TGM4: variants seen among roughly 807,000 people sequenced by gnomAD.
TGM4 encodes the protein protein-glutamine gamma-glutamyltransferase 4.
In TGM4, 61 loss-of-function variants were observed where a neutral mutation model predicts 76.3. That is an observed-to-expected ratio of 0.80 (90% confidence interval 0.65 to 0.99). The LOEUF is 0.99. Ranked by LOEUF, TGM4 falls within the 50% of genes least tolerant of loss-of-function variation. The probability of loss-of-function intolerance (pLI) is 0.00; values close to 1 mark genes in which losing one functional copy is unlikely to be tolerated. For synonymous variants in TGM4, 337 were observed against 329.8 expected (o/e 1.02, Z -0.24); for missense variants, 794 against 843.2 (o/e 0.94, Z 0.72).
rs188830224 is a variant in TGM4 at position 44,906,301 on chromosome 3, C to T, written c.1076-648C>T. ...ACCAAAGCTACTACTGAGGAACTAT[C>T]AGTCAAGAGACTAATTCTCATTAAG... On this transcript the variant is annotated intron_variant, in intron 9 of 13. Transcript: ENST00000296125. Among the ~76,000 whole-genome samples the T allele has an allele frequency of 6.4e-4, 97 of 152,308 alleles. 1 individual carries two copies. The highest frequency in any genetic ancestry group is 2.9e-3 in the South Asian group (14 of 4,826).
chr3:44,901,547 C>T lies in TGM4; in HGVS notation c.681C>T (p.Gly227=), dbSNP rs776264062. 6.3e-5 allele frequency: 101 copies of T among 1,612,108 alleles called. No homozygotes were observed. Among genetic ancestry groups the T allele is most frequent in the Non-Finnish European group, 8.4e-5 (99 of 1,178,764 alleles). Residue 227 remains glycine, a synonymous_variant, in exon 7 of 14, where the codon GGC becomes GGT. Transcript: ENST00000296125. ...CAMMSFEKGQ[G]VLIGNWTGDY... is the part of the protein sequence containing the mutation. ...AGATGAGCTTTGAGAAAGGCCAGGGCGTGCTCATTGGGAATTGGACTGGGG... is the reference window on the plus strand; with the variant it reads ...AGATGAGCTTTGAGAAAGGCCAGGGTGTGCTCATTGGGAATTGGACTGGGG...
chr3:44,900,133 C>T (rs933248416), intron 6 of TGM4, among the ~76,000 whole-genome samples: 7 of 152,152 alleles, frequency 4.6e-5, no homozygotes, highest in Admixed American at 1.3e-4. Context: ...TTGGGCTCAG[C>T]GTCACTCCCC....
At chr3:44,876,186 A>G (rs1699449953) in intron 1 of TGM4, among the ~76,000 whole-genome samples, 1 of 152,236 alleles carries the variant, frequency 6.6e-6, no homozygotes, top group South Asian at 2.1e-4. Flanking sequence ...TTCATGCCAC[A>G]CTATGCTGCC....
chr3:44,907,545 T>C (rs1467608324), intron 10 of TGM4, among the ~76,000 whole-genome samples: 1 of 152,136 alleles, frequency 6.6e-6, no homozygotes, highest in Non-Finnish European at 1.5e-5. Context: ...TCATTCACCT[T>C]GCTAAGACTG....
rs1279671437 is a variant in TGM4, at chr3:44,907,074, G to A, written c.1201G>A (p.Val401Met). 6.2e-7 allele frequency: 1 copy of A among 1,614,160 alleles called. No homozygotes were observed. Among genetic ancestry groups the A allele is most frequent in the Non-Finnish European group, 8.5e-7 (1 of 1,180,032 alleles). The change falls in exon 10 of 14, where the codon GTG becomes ATG. Residue 401 changes from valine to methionine, a missense_variant. Physicochemically the swap from Val to Met is conservative, Grantham distance 21. Transcript: ENST00000296125. ...CAGGCTCATCTGGTTGGTGAAGATG[G>A]TGAATGGGCAGGAGGAGTTACACGT... is the stretch of plus-strand genomic sequence containing the variant. ...GDRLIWLVKM[V>M]NGQEELHVIS...
At chr3:44,913,194 G>A (rs576157893) in intron 13 of TGM4, among the ~76,000 whole-genome samples, 1 of 152,326 alleles carries the variant, frequency 6.6e-6, no homozygotes, top group South Asian at 2.1e-4. Context: ...CACACTTTGA[G>A]TAGTGAGGGG....
chr3:44,910,809 G>A (rs1322864528), intron 11 of TGM4, 149 bp from the exon 12 acceptor site: 34 of 861,924 alleles, frequency 3.9e-5, no homozygotes, highest in African/African-American at 5.1e-5. Flanking sequence ...TGAGCCCAAC[G>A]TCTTGTTTTC....
Position 44,887,693 on chromosome 3 carries a change from G to A in TGM4, c.198G>A (p.Pro66=), listed in dbSNP as rs777957841. 117 of 1,613,604 alleles carry A rather than the reference G, an allele frequency of 7.3e-5. No homozygotes were observed. Among genetic ancestry groups the A allele is most frequent in the Middle Eastern group, 1.6e-4 (1 of 6,080 alleles). The stretch of plus-strand genomic sequence containing the variant: ...TTTTCCTTTGGGTGTCTCCAGGGCC[G>A]AATCCTAGCATCGCCAAACACACCC... ...HQLKLEFSTG[P]NPSIAKHTLV... The change falls in exon 3 of 14, where the codon CCG becomes CCA. Residue 66 remains proline (P), a synonymous_variant. Coordinates refer to ENST00000296125, the MANE Select transcript of TGM4 (RefSeq NM_003241.4).
rs1191619328 is a variant in TGM4 at position 44,914,870 on chromosome 3, C to T, written c.*1145C>T. On this transcript the variant is annotated 3_prime_UTR_variant, in exon 14 of 14. Transcript: ENST00000296125. ...CACAGGAGAGTCATGGGTGGGATAC[C>T]TGTCATCCTCTGCCTTTCCAGCTGT... is the stretch of plus-strand genomic sequence containing the variant. 4 of 152,316 alleles carry T rather than the reference C, an allele frequency of 2.6e-5. No individual in the cohort carries two copies. The highest frequency in any genetic ancestry group is 4.4e-5 in the Non-Finnish European group (3 of 68,054). 9.4% of individuals were successfully genotyped at this position (152,316 alleles called of 1,614,324 possible). A position where few individuals can be genotyped will look rare whatever the true frequency, so the allele number is the denominator to read the frequency against.
At chr3:44,911,671 C>G (rs1431675152) in intron 13 of TGM4, among the ~76,000 whole-genome samples, 1 of 152,174 alleles carries the variant, frequency 6.6e-6, no homozygotes, top group African/African-American at 2.4e-5. Flanking sequence ...ATATTTCTTA[C>G]ATTAATTGAC....
At chr3:44,897,354 G>A (rs901994761) in intron 6 of TGM4, among the ~76,000 whole-genome samples, 8 of 152,180 alleles carry the variant, frequency 5.3e-5, no homozygotes, top group Non-Finnish European at 7.4e-5. Flanking sequence ...ATGGGCTGAC[G>A]TTAGGTGTAA....
chr3:44,896,631 T>A (rs536703851), intron 5 of TGM4, 78 bp from the exon 6 acceptor site: 3 of 1,397,304 alleles, frequency 2.1e-6, no homozygotes, highest in Non-Finnish European at 2.0e-6. Flanking sequence ...GGCTGTGACA[T>A]GCAAATTAGA....
At chr3:44,903,796 T>C (rs1699885277) in intron 8 of TGM4, 88 bp from the exon 9 acceptor site, 1 of 1,222,562 alleles carries the variant, frequency 8.2e-7, no homozygotes, top group Admixed American at 1.7e-5. Flanking sequence ...TCCCCGGTGA[T>C]GAAGATGTCT....
At chr3:44,912,592 T>G (rs987908807) in intron 13 of TGM4, among the ~76,000 whole-genome samples, 1 of 152,230 alleles carries the variant, frequency 6.6e-6, no homozygotes, top group Non-Finnish European at 1.5e-5. Flanking sequence ...TCTATAGCAC[T>G]TTTAGAATCA....
chr3:44,905,216 C>A (rs950645722), intron 9 of TGM4, among the ~76,000 whole-genome samples: 23 of 152,212 alleles, frequency 1.5e-4, no homozygotes, highest in Non-Finnish European at 2.4e-4. Context: ...AACCACCTGA[C>A]CTCAGGTGAT....
intron 8 of TGM4, 107 bp from the exon 9 acceptor site, chr3:44,903,777 C>T: frequency 2.9e-6 from 3 of 1,043,606 alleles, no homozygotes; most frequent in Non-Finnish European, 4.5e-6. Context: ...TGAGAACAAC[C>T]TCAGTGGGTC....
At chr3:44,890,530 T>A (rs1699677227) in intron 3 of TGM4, 73 bp from the exon 4 acceptor site, 1 of 1,575,510 alleles carries the variant, frequency 6.3e-7, no homozygotes, top group African/African-American at 1.4e-5. Flanking sequence ...GACGGATTCT[T>A]CTGGGAAGCA....
intron 6 of TGM4, among the ~76,000 whole-genome samples, chr3:44,898,622 C>T (rs1699812497): frequency 6.6e-6 from 1 of 152,226 alleles, no homozygotes; most frequent in Non-Finnish European, 1.5e-5. Context: ...GACGTATGTT[C>T]ATCTCCAGGT....
intron 1 of TGM4, among the ~76,000 whole-genome samples, chr3:44,877,545 T>C (rs1198727310): frequency 2.0e-5 from 3 of 152,024 alleles, no homozygotes; most frequent in African/African-American, 7.2e-5. Context: ...TGAGCCATGA[T>C]TGCAACACTG....
Sources: allele counts gnomAD v4.1 joint callset (sites outside exome capture counted in the v4.1 genomes callset), GRCh38; gene constraint gnomAD v4.1.1; transcripts MANE v1.5; gene names NCBI Gene and HGNC (gene_info 2026-07-23, HGNC 2026-07-21).